The following ST8SIA4 variants were observed in gnomAD, a reference collection of about 807,000 sequenced individuals.
The protein encoded by ST8SIA4 is ST8 alpha-N-acetyl-neuraminide alpha-2,8-sialyltransferase 4.
ST8SIA4 carries 15 observed loss-of-function variants against 33.9 expected under a neutral mutation model. That is an observed-to-expected ratio of 0.44 (90% CI 0.30 to 0.68). The LOEUF is 0.68. Among genes scored for constraint, ST8SIA4 ranks in the 30% least tolerant of loss-of-function variants. The probability of loss-of-function intolerance (pLI) is 0.10; values close to 1 mark genes in which losing one functional copy is unlikely to be tolerated. For missense variants in ST8SIA4, 321 were observed against 428.0 expected (o/e 0.75, Z 2.21); for synonymous variants, 171 against 151.2 (o/e 1.13, Z -0.96).
At chr5:100,894,487 A>G (rs1752737725) in intron 2 of ST8SIA4, among the ~76,000 whole-genome samples, 1 of 152,092 alleles carries the variant, frequency 6.6e-6, no homozygotes, top group South Asian at 2.1e-4. Context: ...ACCACTTGAC[A>G]TTGCCATGAT....
chr5:100,865,291 G>T (rs1052842313), intron 3 of ST8SIA4, among the ~76,000 whole-genome samples: 2 of 152,156 alleles, frequency 1.3e-5, no homozygotes, highest in Admixed American at 6.5e-5. Context: ...CATTTTTAAA[G>T]ATTAGCCTTA....
chr5:100,828,825 T>A (rs986922684), intron 4 of ST8SIA4, among the ~76,000 whole-genome samples: 4 of 152,102 alleles, frequency 2.6e-5, no homozygotes, highest in Admixed American at 1.3e-4. Context: ...AGGGAAGAGT[T>A]CCGTTTTTTT....
At chr5:100,882,190 G>C (rs565710230) in intron 3 of ST8SIA4, among the ~76,000 whole-genome samples, 1 of 152,206 alleles carries the variant, frequency 6.6e-6, no homozygotes, top group East Asian at 1.9e-4. Flanking sequence ...TCGCAATATG[G>C]ATAATAAGGT....
In ST8SIA4 at chr5:100,884,026, T is replaced by C. The variant is rs73162266; in HGVS notation, c.503+2317A>G. On this transcript the variant is annotated intron_variant, in intron 3 of 4. Coordinates refer to ENST00000231461, the MANE Select transcript of ST8SIA4 (RefSeq NM_005668.6). ...ATAGACATTCAAATCCATCTGATAG[T>C]TAGCAATAAGGTAGATAAAGAATCT... Among the ~76,000 whole-genome samples the C allele has an allele frequency of 4.0e-3, 602 of 152,248 alleles. 4 individuals carry two copies. Among genetic ancestry groups the C allele is most frequent in the African/African-American group, 0.014 (578 of 41,530 alleles).
Position 100,811,381 on chromosome 5 carries a change from A to G in ST8SIA4, c.*466T>C, listed in dbSNP as rs1750814612. 1 of 153,666 alleles carries G rather than the reference A, an allele frequency of 6.5e-6. No individual in the cohort carries two copies. The highest frequency in any genetic ancestry group is 2.4e-5 in the African/African-American group (1 of 41,384). 9.5% of individuals were successfully genotyped at this position (153,666 alleles called of 1,614,324 possible). A position where few individuals can be genotyped will look rare whatever the true frequency, so the allele number is the denominator to read the frequency against. The stretch of plus-strand genomic sequence containing the variant: ...TCAGACTCAGAGTCCTGACTGAAGC[A>G]TTTACTTGAGTTGTTTAATCTTACG... On this transcript the variant is annotated 3_prime_UTR_variant, in exon 5 of 5. Coordinates refer to ENST00000231461, the MANE Select transcript of ST8SIA4 (RefSeq NM_005668.6).
rs1023374216 is a variant in ST8SIA4 at position 100,807,612 on chromosome 5, C to G, written c.*4235G>C. The G allele has an allele frequency of 6.6e-6, 1 of 152,454 alleles. No individual in the cohort carries two copies. The highest frequency in any genetic ancestry group is 1.5e-5 in the Non-Finnish European group (1 of 67,940). The allele number at this position is 152,454 out of a possible 1,614,324, so 9.4% of individuals were successfully genotyped here. On this transcript the variant is annotated 3_prime_UTR_variant, in exon 5 of 5. Coordinates refer to ENST00000231461, the MANE Select transcript of ST8SIA4 (RefSeq NM_005668.6). ...TGGACATACTAGACCCTTACTGTAA[C>G]TCTACGTATGAACGACATAGAATTC...
At chr5:100,828,762 T>A (rs1437319054) in intron 4 of ST8SIA4, among the ~76,000 whole-genome samples, 1 of 152,172 alleles carries the variant, frequency 6.6e-6, no homozygotes, top group Non-Finnish European at 1.5e-5. Context: ...CAAGCATTGG[T>A]TCAAGTCAAA....
chr5:100,885,461 A>G lies in ST8SIA4; in HGVS notation c.503+882T>C, dbSNP rs1300027080. ...TAAAAATATTCAAAAAATATTCAAA[A>G]TATTCAAAAATAATGTATTCCAGTA... On this transcript the variant is annotated intron_variant, in intron 3 of 4. Coordinates refer to ENST00000231461, the MANE Select transcript of ST8SIA4 (RefSeq NM_005668.6). 1.8e-5 allele frequency: 17 copies of G among 936,188 alleles called. No individual in the cohort carries two copies. In the Admixed American group the frequency reaches 1.1e-3, roughly 58 times the overall value. 58.0% of individuals were successfully genotyped at this position (936,188 alleles called of 1,614,324 possible).
In ST8SIA4 at chr5:100,885,455, T is replaced by A. The variant is rs191062722; in HGVS notation, c.503+888A>T. On this transcript the variant is annotated intron_variant, in intron 3 of 4. Coordinates refer to ENST00000231461, the MANE Select transcript of ST8SIA4 (RefSeq NM_005668.6). ...TTTATTTAAAAATATTCAAAAAATA[T>A]TCAAAATATTCAAAAATAATGTATT... 5.4e-5 allele frequency: 50 copies of A among 933,280 alleles called. No individual in the cohort carries two copies. The African/African-American group carries it at 7.5e-4, about 14-fold the overall frequency. 57.8% of individuals were successfully genotyped at this position (933,280 alleles called of 1,614,324 possible).
At chr5:100,840,066 T>C (rs1030827083) in intron 4 of ST8SIA4, among the ~76,000 whole-genome samples, 18 of 151,772 alleles carry the variant, frequency 1.2e-4, no homozygotes, top group Non-Finnish European at 8.8e-5. Flanking sequence ...AAACTGTTCC[T>C]GATCCCAAAC....
At chr5:100,872,939 A>G (rs1466616461) in intron 3 of ST8SIA4, among the ~76,000 whole-genome samples, 2 of 151,608 alleles carry the variant, frequency 1.3e-5, no homozygotes, top group African/African-American at 2.4e-5. Flanking sequence ...CATATTGTCT[A>G]GGCCAGCACA....
chr5:100,823,555 A>G (rs2112406547), intron 4 of ST8SIA4, among the ~76,000 whole-genome samples: 1 of 152,346 alleles, frequency 6.6e-6, no homozygotes, highest in South Asian at 2.1e-4. Flanking sequence ...CTCAACCAAC[A>G]AATTTAAGTT....
In ST8SIA4 at chr5:100,822,477, A is replaced by G. The variant is rs1456577773; in HGVS notation, c.798-10348T>C. 2.0e-5 allele frequency among the ~76,000 whole-genome samples: 3 copies of G among 152,208 alleles called. No homozygotes were observed. In the East Asian group the frequency reaches 5.8e-4, roughly 29 times the overall value. On this transcript the variant is annotated intron_variant, in intron 4 of 4. Transcript: ENST00000231461. ...CTCTAAGCCTTGGCTAGTCCTTGCA[A>G]TGTCTGTGTTTCAGATTCCTGATCT... is the stretch of plus-strand genomic sequence containing the variant.
At chr5:100,886,803 A>G (rs556182653) in intron 2 of ST8SIA4, among the ~76,000 whole-genome samples, 1 of 152,214 alleles carries the variant, frequency 6.6e-6, no homozygotes, top group South Asian at 2.1e-4. Flanking sequence ...TTTAAAAATC[A>G]TTTGCACAGA....
At chr5:100,812,217 TA>T in intron 4 of ST8SIA4, 88 bp from the exon 5 acceptor site, 3 of 1,086,384 alleles carry the variant, frequency 2.8e-6, no homozygotes, top group South Asian at 4.0e-5. Context: ...GCAGAAAACT[TA>T]AAAGGTATCT....
intron 1 of ST8SIA4, 35 bp downstream of exon 1, chr5:100,902,808 T>A: frequency 6.5e-7 from 1 of 1,549,366 alleles, no homozygotes; most frequent in African/African-American, 1.4e-5. Context: ...TGGCTTGACT[T>A]TTTGTCATAT....
At chr5:100,842,172 G>A (rs2112424914) in intron 4 of ST8SIA4, among the ~76,000 whole-genome samples, 1 of 151,872 alleles carries the variant, frequency 6.6e-6, no homozygotes, top group East Asian at 1.9e-4. Flanking sequence ...TTTGCAATTT[G>A]TACATTACTA....
At chr5:100,834,045 G>C (rs1017216115) in intron 4 of ST8SIA4, among the ~76,000 whole-genome samples, 2 of 152,062 alleles carry the variant, frequency 1.3e-5, no homozygotes, top group Non-Finnish European at 2.9e-5. Flanking sequence ...GAAGAGATTA[G>C]GATATCATCT....
chr5:100,856,195 C>T lies in ST8SIA4; in HGVS notation c.705G>A (p.Lys235=). The T allele has an allele frequency of 6.2e-7, 1 of 1,614,112 alleles. No individual in the cohort carries two copies. The highest frequency in any genetic ancestry group is 2.2e-5 in the East Asian group (1 of 44,868). ...IPAFMVKGGE[K]HVEWVNALIL... ...TTAATGCATTAACCCACTCCACGTG[C>T]TTCTCTCCTCCTTTGACCATGAAAG... The change falls in exon 4 of 5, where the codon AAG becomes AAA. Residue 235 remains lysine, a synonymous_variant. Coordinates refer to ENST00000231461, the MANE Select transcript of ST8SIA4 (RefSeq NM_005668.6).
Sources: gnomAD v4.1 joint callset for allele counts (sites outside exome capture counted in the v4.1 genomes callset) on GRCh38, gnomAD v4.1.1 for gene constraint, MANE v1.5 for transcripts, NCBI Gene and HGNC (gene_info 2026-07-23, HGNC 2026-07-21) for gene names.